HOXA7: variants seen among roughly 807,000 people sequenced by gnomAD.
The protein encoded by HOXA7 is homeobox protein Hox-A7.
Under a neutral mutation model 16.8 loss-of-function variants are expected in HOXA7, and 16 were observed. The observed-to-expected ratio is 0.95, with a 90% CI of 0.64 to 1.44. The LOEUF (loss-of-function observed/expected upper bound fraction) is 1.44. Among genes scored for constraint, HOXA7 ranks in the 40% most tolerant of loss-of-function variants. The probability of loss-of-function intolerance (pLI) is 0.00; values close to 1 mark genes in which losing one functional copy is unlikely to be tolerated. For missense variants in HOXA7, 379 were observed against 328.6 expected (o/e 1.15, Z -1.19); for synonymous variants, 169 against 144.3 (o/e 1.17, Z -1.23).
chr7:27,155,336 T>G, intron 1 of HOXA7, 114 bp from the exon 2 acceptor site: 1 of 988,882 alleles, frequency 1.0e-6, no homozygotes, highest in Non-Finnish European at 1.5e-6. Flanking sequence ...CCAGCGAGCA[T>G]CCCCCTCTGC....
rs996089984 is a variant in HOXA7, at chr7:27,154,085, G to A, written c.*824C>T. ...GTAAGATACAGGAGCCAGAGGAAAG[G>A]ACAGCGAAGCTGGAAGCATCTCCAC... On this transcript the variant is annotated 3_prime_UTR_variant, in exon 2 of 2. Transcript: ENST00000242159. 2.6e-5 allele frequency: 4 copies of A among 152,318 alleles called. No homozygotes were observed. The highest frequency in any genetic ancestry group is 9.6e-5 in the African/African-American group (4 of 41,470). The allele number at this position is 152,318 out of a possible 1,614,324, so 9.4% of individuals were successfully genotyped here. A position where few individuals can be genotyped will look rare whatever the true frequency, so the allele number is the denominator to read the frequency against.
Position 27,156,640 on chromosome 7 carries a change from AAACCCCATT to A in HOXA7, c.-104_-96del. The A allele has an allele frequency of 7.4e-7, 1 of 1,358,978 alleles. No individual in the cohort carries two copies. Among genetic ancestry groups the A allele is most frequent in the South Asian group, 1.4e-5 (1 of 70,266 alleles). 84.2% of individuals were successfully genotyped at this position (1,358,978 alleles called of 1,614,324 possible). A position where few individuals can be genotyped will look rare whatever the true frequency, so the allele number is the denominator to read the frequency against. ...AACATTACACCCCCAGATTTACACCAAACCCCATTTTCTTTTGGACGGAGCTCGCCGCAG... is the reference window on the plus strand; with the variant it reads ...AACATTACACCCCCAGATTTACACCATTCTTTTGGACGGAGCTCGCCGCAG... On this transcript the variant is annotated 5_prime_UTR_variant, in exon 1 of 2. The change creates a new upstream start codon in the 5' untranslated region. Transcript: ENST00000242159.
intron 1 of HOXA7, 29 bp downstream of exon 1, chr7:27,156,138 A>C (rs558046500): frequency 3.6e-5 from 53 of 1,461,384 alleles, no homozygotes; most frequent in Non-Finnish European, 4.7e-5. Flanking sequence ...CCGCTCCGCC[A>C]GCCTGGCCCG....
rs770431280 is a variant in HOXA7 at position 27,155,206 on chromosome 7, C to G, written c.396G>C (p.Arg132=). The change falls in exon 2 of 2, where the codon CGG becomes CGC. Residue 132 remains arginine (R), a synonymous_variant. Coordinates refer to ENST00000242159, the MANE Select transcript of HOXA7 (RefSeq NM_006896.4). Reference sequence around the variant, plus strand: ...GGTAGCGCGTGTAGGTCTGGCGGCCCCGCTTCCTGTCAGGTCCTGAGAACA... The same window carrying G: ...GGTAGCGCGTGTAGGTCTGGCGGCCGCGCTTCCTGTCAGGTCCTGAGAACA... The part of the protein sequence containing the change: ...WMRSSGPDRK[R]GRQTYTRYQT... 2.5e-6 allele frequency: 4 copies of G among 1,614,106 alleles called. No homozygotes were observed. In the East Asian group the frequency reaches 8.9e-5, roughly 36 times the overall value.
chr7:27,155,395 A>T, intron 1 of HOXA7, 173 bp from the exon 2 acceptor site: 1 of 635,694 alleles, frequency 1.6e-6, no homozygotes, highest in South Asian at 1.9e-5. Flanking sequence ...TTAGGGAAAG[A>T]CCCCAACTGC....
chr7:27,156,064 C>T, intron 1 of HOXA7, 103 bp downstream of exon 1: 1 of 1,331,624 alleles, frequency 7.5e-7, no homozygotes, highest in Non-Finnish European at 9.7e-7. Flanking sequence ...CAGCCTGGCT[C>T]CGCTCTTCCG....
At position 27,154,912 on chromosome 7, in the gene HOXA7, T is replaced by C. The variant is rs1783075582; in HGVS notation, c.690A>G (p.Glu230=). The part of the protein sequence containing the change: ...DDDEEEEDEE[E] ...GAGAGGGCCCCGGATCGGCCCCTCA[T>C]TCCTCCTCGTCTTCCTCTTCTTCAT... is the stretch of plus-strand genomic sequence containing the variant. Residue 230 remains glutamate (E), a synonymous_variant, in exon 2 of 2, where the codon GAA becomes GAG. Coordinates refer to ENST00000242159, the MANE Select transcript of HOXA7 (RefSeq NM_006896.4). 6.2e-7 allele frequency: 1 copy of C among 1,607,664 alleles called. No individual in the cohort carries two copies. The highest frequency in any genetic ancestry group is 1.3e-5 in the African/African-American group (1 of 74,676).
Position 27,156,332 on chromosome 7 carries a change from G to A in HOXA7, c.214C>T (p.Leu72=). ...YQSPFASGYG[L]GADAYGNLPC... ...AGGTTGCCGTAGGCGTCGGCGCCCA[G>A]GCCGTAGCCGGACGCAAAGGGGCTC... The change falls in exon 1 of 2, where the codon CTG becomes TTG. Residue 72 remains leucine, a synonymous_variant. Coordinates refer to ENST00000242159, the MANE Select transcript of HOXA7 (RefSeq NM_006896.4). The A allele has an allele frequency of 6.2e-7, 1 of 1,614,026 alleles. No homozygotes were observed. The highest frequency in any genetic ancestry group is 8.5e-7 in the Non-Finnish European group (1 of 1,179,998).
chr7:27,155,256 G>A (rs1223628180), intron 1 of HOXA7, 34 bp from the exon 2 acceptor site: 1 of 1,597,920 alleles, frequency 6.3e-7, no homozygotes, highest in African/African-American at 1.3e-5. Context: ...TGAACACAAG[G>A]ACAGACAAGT....
chr7:27,156,062 C>T (rs1423470538), intron 1 of HOXA7, 105 bp downstream of exon 1: 9 of 1,326,122 alleles, frequency 6.8e-6, no homozygotes, highest in Non-Finnish European at 8.8e-6. Flanking sequence ...AACAGCCTGG[C>T]TCCGCTCTTC....
chr7:27,156,125 GTCCCGC>G, intron 1 of HOXA7, 36 bp downstream of exon 1: 1 of 1,433,328 alleles, frequency 7.0e-7, no homozygotes, highest in Non-Finnish European at 9.1e-7. Flanking sequence ...CCCGCTCCCG[GTCCCGC>G]TCCGCCAGCC....
rs1170206862 is a variant in HOXA7 at position 27,155,177 on chromosome 7, G to A, written c.425C>T (p.Thr142Met). The A allele has an allele frequency of 6.2e-7, 1 of 1,614,252 alleles. No homozygotes were observed. Among genetic ancestry groups the A allele is most frequent in the Non-Finnish European group, 8.5e-7 (1 of 1,180,042 alleles). The change falls in exon 2 of 2, where the codon ACG (threonine) becomes ATG (methionine). Residue 142 changes from threonine (T) to methionine (M), a missense_variant. By Grantham distance (81) the Thr-to-Met change is moderately conservative. Coordinates refer to ENST00000242159, the MANE Select transcript of HOXA7 (RefSeq NM_006896.4). ...RGRQTYTRYQTLELEKEFHFN... is the reference protein window; with the variant it reads ...RGRQTYTRYQMLELEKEFHFN... The stretch of plus-strand genomic sequence containing the variant: ...GTGGAACTCCTTCTCCAGCTCCAGC[G>A]TCTGGTAGCGCGTGTAGGTCTGGCG...
In HOXA7 at chr7:27,154,838, A is replaced by C. The variant is rs1489719485; in HGVS notation, c.*71T>G. Reference sequence around the variant, plus strand: ...TTCTTTTATTTTTCCCATTTTTGTAAGTAAAACCAGTGAGTCTCTTAAAGA... The same window carrying C: ...TTCTTTTATTTTTCCCATTTTTGTACGTAAAACCAGTGAGTCTCTTAAAGA... On this transcript the variant is annotated 3_prime_UTR_variant, in exon 2 of 2. Coordinates refer to ENST00000242159, the MANE Select transcript of HOXA7 (RefSeq NM_006896.4). The C allele has an allele frequency of 3.3e-6, 5 of 1,511,268 alleles. No individual in the cohort carries two copies. Among genetic ancestry groups the C allele is most frequent in the Non-Finnish European group, 4.4e-6 (5 of 1,132,310 alleles). 93.6% of individuals were successfully genotyped at this position (1,511,268 alleles called of 1,614,324 possible).
In HOXA7 at chr7:27,156,603, G is replaced by C. The variant is rs1783114479; in HGVS notation, c.-58C>G. The C allele has an allele frequency of 2.0e-6, 3 of 1,510,704 alleles. No individual in the cohort carries two copies. The highest frequency in any genetic ancestry group is 2.7e-6 in the Non-Finnish European group (3 of 1,122,204). 93.6% of individuals were successfully genotyped at this position (1,510,704 alleles called of 1,614,324 possible). On this transcript the variant is annotated 5_prime_UTR_variant, in exon 1 of 2. Transcript: ENST00000242159. ...TTCAGTGTCGGTTTTACGAGGTAGA[G>C]TGATATATGATAACATTACACCCCC...
In HOXA7 at chr7:27,155,115, T is replaced by C. The variant is rs375101630; in HGVS notation, c.487A>G (p.Ile163Val). The part of the protein sequence containing the change: ...RYLTRRRRIE[I>V]AHALCLTERQ... ...TCGGTGAGGCAGAGCGCGTGGGCGA[T>C]TTCAATGCGGCGGCGCCGCGTCAGG... The change falls in exon 2 of 2, where the codon ATC (isoleucine) becomes GTC (valine). Residue 163 changes from isoleucine to valine, a missense_variant. Physicochemically the swap from Ile to Val is conservative, Grantham distance 29. Transcript: ENST00000242159. 2.4e-5 allele frequency: 39 copies of C among 1,614,108 alleles called. No individual in the cohort carries two copies. The African/African-American group carries it at 4.7e-4, about 19-fold the overall frequency.
intron 1 of HOXA7, 178 bp downstream of exon 1, chr7:27,155,989 G>A: frequency 1.5e-6 from 1 of 688,908 alleles, no homozygotes; most frequent in South Asian, 3.9e-5. Context: ...TCCACGCAAT[G>A]GCGCCTCCGC....
chr7:27,156,457 G>A lies in HOXA7; in HGVS notation c.89C>T (p.Ser30Phe), dbSNP rs755438662. ...LFQNAEPTSC[S>F]FAPNSQRSGY... The stretch of plus-strand genomic sequence containing the variant: ...GCTTCTCTGTGAGTTGGGAGCAAAG[G>A]AGCAAGAAGTCGGCTCGGCATTTTG... The change falls in exon 1 of 2, where the codon TCC becomes TTC. Residue 30 changes from serine to phenylalanine, a missense_variant. Ser to Phe is a radical substitution (Grantham distance 155, BLOSUM62 -2). Transcript: ENST00000242159. The A allele has an allele frequency of 7.4e-6, 12 of 1,613,210 alleles. No individual in the cohort carries two copies. In the East Asian group the frequency reaches 2.0e-4, roughly 27 times the overall value.
chr7:27,154,938 C>A lies in HOXA7; in HGVS notation c.664G>T (p.Asp222Tyr). 1.2e-6 allele frequency: 2 copies of A among 1,612,250 alleles called. No homozygotes were observed. The highest frequency in any genetic ancestry group is 2.7e-5 in the African/African-American group (2 of 74,984). Reference protein sequence around the residue: ...AADKADEEDDDEEEEDEEE With the variant: ...AADKADEEDDYEEEEDEEE ...TCCTCCTCGTCTTCCTCTTCTTCAT[C>A]ATCGTCCTCCTCGTCGGCCTTGTCC... is the stretch of plus-strand genomic sequence containing the variant. Residue 222 changes from aspartate to tyrosine, a missense_variant, in exon 2 of 2, where the codon GAT becomes TAT. Transcript: ENST00000242159.
At chr7:27,155,288 G>A in intron 1 of HOXA7, 66 bp from the exon 2 acceptor site, 1 of 1,457,928 alleles carries the variant, frequency 6.9e-7, no homozygotes, top group Non-Finnish European at 9.6e-7. Context: ...TCGTTAGGCT[G>A]CTGTCCCAGA....
Sources: gnomAD v4.1 joint callset for allele counts on GRCh38, gnomAD v4.1.1 for gene constraint, MANE v1.5 for transcripts, NCBI Gene and HGNC (gene_info 2026-07-23, HGNC 2026-07-21) for gene names.